Variants in SCHIP1 observed in about 807,000 individuals in gnomAD.
The protein encoded by SCHIP1 is schwannomin-interacting protein 1.
SCHIP1 carries 8 observed loss-of-function variants against 29.7 expected under a neutral mutation model. That is an observed-to-expected ratio of 0.27 (90% CI 0.16 to 0.49). The LOEUF is 0.49. Ranked by LOEUF, SCHIP1 falls within the 20% of genes least tolerant of loss-of-function variation. The pLI, the probability that SCHIP1 is intolerant of heterozygous loss-of-function variation, is 0.99. For synonymous variants in SCHIP1, 76 were observed against 94.9 expected, an observed-to-expected ratio of 0.80 and a Z score of 1.16; for missense variants, 193 against 294.6, an observed-to-expected ratio of 0.66 and a Z score of 2.52.
chr3:159,395,288 T>A, the SCHIP1 span, among the ~76,000 whole-genome samples: 5 of 152,256 alleles, frequency 3.3e-5, no homozygotes, highest in African/African-American at 1.2e-4. Flanking sequence ...ATTCATTAAT[T>A]TTTTGAAGGG....
chr3:159,637,025 T>C, the SCHIP1 span, among the ~76,000 whole-genome samples: 4 of 152,314 alleles, frequency 2.6e-5, no homozygotes, highest in African/African-American at 7.2e-5. Flanking sequence ...ATTACACTAC[T>C]GATATGAATC....
At chr3:159,346,911 T>G in the SCHIP1 span, among the ~76,000 whole-genome samples, 4 of 152,196 alleles carry the variant, frequency 2.6e-5, no homozygotes, top group African/African-American at 9.7e-5. Flanking sequence ...AAGATGACAT[T>G]TGAGTGCCAG....
the SCHIP1 span, among the ~76,000 whole-genome samples, chr3:159,427,403 A>G: frequency 6.6e-6 from 1 of 151,498 alleles, no homozygotes; most frequent in Non-Finnish European, 1.5e-5. Context: ...TTATACACCA[A>G]TAACAGACAG....
chr3:159,306,591 G>A, the SCHIP1 span: 15 of 922,222 alleles, frequency 1.6e-5, no homozygotes, highest in African/African-American at 2.3e-4. Context: ...TTTCCTTTAT[G>A]AAAAAAATAT....
At chr3:159,623,988 A>G in the SCHIP1 span, among the ~76,000 whole-genome samples, 14 of 152,216 alleles carry the variant, frequency 9.2e-5, no homozygotes, top group Non-Finnish European at 8.8e-5. Context: ...ATTCTCCTAC[A>G]AGGCAGAAAT....
chr3:159,480,939 G>T, the SCHIP1 span, among the ~76,000 whole-genome samples: 8 of 152,078 alleles, frequency 5.3e-5, no homozygotes, highest in Non-Finnish European at 1.0e-4. Flanking sequence ...TAGGATTTGG[G>T]TAGGTAGTGG....
chr3:159,306,607 C>A, the SCHIP1 span: 1 of 908,600 alleles, frequency 1.1e-6, no homozygotes, highest in Non-Finnish European at 1.3e-6. Flanking sequence ...AATATACAAA[C>A]ACCTCACTAC....
chr3:159,620,219 C>A, the SCHIP1 span, among the ~76,000 whole-genome samples: 2 of 152,100 alleles, frequency 1.3e-5, no homozygotes, highest in Non-Finnish European at 2.9e-5. Context: ...ATGTGAAGGG[C>A]CCTATAAAAA....
chr3:159,810,667 A>G, the SCHIP1 span, among the ~76,000 whole-genome samples: 1 of 152,194 alleles, frequency 6.6e-6, no homozygotes, highest in African/African-American at 2.4e-5. Flanking sequence ...GCTGAATAAT[A>G]TTCTATTGTA....
chr3:159,274,711 CA>C, the SCHIP1 span: 6 of 821,360 alleles, frequency 7.3e-6, no homozygotes, highest in Non-Finnish European at 8.8e-6. Context: ...ATTAGCTATT[CA>C]AATTTTTTTC....
At chr3:159,687,169 A>G in the SCHIP1 span, among the ~76,000 whole-genome samples, 1 of 152,114 alleles carries the variant, frequency 6.6e-6, no homozygotes, top group South Asian at 2.1e-4. Context: ...ATCCCCATCT[A>G]GGAAGCTATA....
the SCHIP1 span, among the ~76,000 whole-genome samples, chr3:159,598,316 G>GAGGCA: frequency 6.6e-6 from 1 of 152,120 alleles, no homozygotes; most frequent in African/African-American, 2.4e-5. Flanking sequence ...AGTCTCATCT[G>GAGGCA]AGGCAAGGCA....
the SCHIP1 span, among the ~76,000 whole-genome samples, chr3:159,445,274 A>C: frequency 5.3e-5 from 8 of 152,108 alleles, no homozygotes; most frequent in African/African-American, 1.9e-4. Context: ...ACACATGAAA[A>C]AATGCTCACC....
At chr3:159,660,502 C>CAT in the SCHIP1 span, among the ~76,000 whole-genome samples, 2 of 151,366 alleles carry the variant, frequency 1.3e-5, no homozygotes, top group Admixed American at 6.6e-5. Context: ...TATATATATA[C>CAT]ATATATACAC....
the SCHIP1 span, among the ~76,000 whole-genome samples, chr3:159,393,693 A>C: frequency 6.0e-5 from 9 of 150,870 alleles, no homozygotes; most frequent in Middle Eastern, 3.5e-3. Flanking sequence ...TGGTACCAGT[A>C]CCATGCTGTT....
upstream of SCHIP1, among the ~76,000 whole-genome samples, chr3:159,835,140 G>A (rs1743547583): frequency 6.6e-6 from 1 of 152,132 alleles, no homozygotes; most frequent in African/African-American, 2.4e-5. Context: ...ACTTAAGATG[G>A]TGACTTCCCT....
At chr3:159,320,031 C>A in the SCHIP1 span, among the ~76,000 whole-genome samples, 1 of 152,080 alleles carries the variant, frequency 6.6e-6, no homozygotes, top group Non-Finnish European at 1.5e-5. Flanking sequence ...GAAGGTGGAG[C>A]CTTTGAGAGG....
the SCHIP1 span, among the ~76,000 whole-genome samples, chr3:159,523,360 T>C: frequency 1.3e-5 from 2 of 152,250 alleles, no homozygotes; most frequent in African/African-American, 2.4e-5. Context: ...TTTTCATTTA[T>C]GTTGCATTAA....
the SCHIP1 span, among the ~76,000 whole-genome samples, chr3:159,399,492 G>C: frequency 7.4e-4 from 113 of 152,152 alleles, no homozygotes; most frequent in African/African-American, 2.5e-3. Flanking sequence ...ATAAATATTT[G>C]TTGTCTATAT....
Sources: allele counts gnomAD v4.1 joint callset (sites outside exome capture counted in the v4.1 genomes callset), GRCh38; gene constraint gnomAD v4.1.1; transcripts MANE v1.5; gene names NCBI Gene and HGNC (gene_info 2026-07-23, HGNC 2026-07-21).